Variants in PRSS23 observed in about 807,000 individuals in gnomAD.
PRSS23 encodes the protein serine protease 23, also known as protease, serine 23.
In PRSS23, 25 loss-of-function variants were observed where a neutral mutation model predicts 34.7. That is an observed-to-expected ratio of 0.72 (90% CI 0.53 to 1.01). The LOEUF is 1.01. PRSS23 is among the 50% of genes least tolerant of loss of function. The pLI is 0.00. For synonymous variants in PRSS23, 176 were observed against 186.6 expected, an observed-to-expected ratio of 0.94 and a Z score of 0.46; for missense variants, 445 against 475.6, an observed-to-expected ratio of 0.94 and a Z score of 0.60.
In PRSS23 at chr11:86,951,512, T is replaced by C. The variant is rs763395503; in HGVS notation, c.*227T>C. ...ATCCTTTTGAAGATTTGACCGAATT[T>C]TGAACAAGGCCACCAAACCTGCAGC... On this transcript the variant is annotated 3_prime_UTR_variant, in exon 3 of 3. Transcript: ENST00000533902. 110 of 1,614,070 alleles carry C rather than the reference T, an allele frequency of 6.8e-5. No individual in the cohort carries two copies. Among genetic ancestry groups the C allele is most frequent in the Non-Finnish European group, 8.6e-5 (102 of 1,180,046 alleles).
intron 2 of PRSS23, among the ~76,000 whole-genome samples, chr11:86,834,506 TTTTCCTTTCCTTTCCTTTCCTTTCC>T (rs1225362851): frequency 8.7e-6 from 1 of 115,184 alleles, no homozygotes; most frequent in African/African-American, 3.6e-5. Context: ...TTCCCTTCTA[TTTTCCTTTCCTTTCCTTTCCTTTCC>T]TTTCCTTTCC....
chr11:86,941,944 C>T (rs983737005), intron 2 of PRSS23, among the ~76,000 whole-genome samples: 53 of 152,312 alleles, frequency 3.5e-4, no homozygotes, highest in African/African-American at 1.2e-3. Flanking sequence ...TACTCCATTT[C>T]TTCTTTCCTC....
At chr11:86,811,775 C>T (rs1948180268), downstream of PRSS23, among the ~76,000 whole-genome samples, 1 of 152,032 alleles carries the variant, frequency 6.6e-6, no homozygotes, top group Non-Finnish European at 1.5e-5. Context: ...CTAACAAACC[C>T]CACAGGAGGT....
intron 2 of PRSS23, among the ~76,000 whole-genome samples, chr11:86,837,876 A>G (rs1018816834): frequency 3.9e-5 from 6 of 152,162 alleles, no homozygotes; most frequent in African/African-American, 1.4e-4. Context: ...GACACAGAAG[A>G]TGGGTGATTT....
chr11:86,845,079 ACT>A (rs1322373544), intron 2 of PRSS23, among the ~76,000 whole-genome samples: 1 of 150,832 alleles, frequency 6.6e-6, no homozygotes, highest in Non-Finnish European at 1.5e-5. Context: ...CAAGAGTGAA[ACT>A]CTGTCTCAGA....
intron 2 of PRSS23, among the ~76,000 whole-genome samples, chr11:86,824,429 C>T (rs1948282510): frequency 6.7e-6 from 1 of 148,842 alleles, no homozygotes; most frequent in Admixed American, 6.7e-5. Context: ...GGCCTTTGAA[C>T]TCTGAAATTA....
At chr11:86,835,598 G>A (rs1214628774) in intron 2 of PRSS23, among the ~76,000 whole-genome samples, 1 of 152,150 alleles carries the variant, frequency 6.6e-6, no homozygotes, top group East Asian at 1.9e-4. Context: ...TCTTACCTGG[G>A]AATCCATATT....
intron 2 of PRSS23, chr11:86,949,305 T>C (rs1949269967): frequency 6.6e-6 from 1 of 151,014 alleles, no homozygotes; most frequent in Admixed American, 6.6e-5. Context: ...GGCATAAGGC[T>C]CAAACCAAAT....
chr11:86,864,014 G>T (rs1476349413), intron 2 of PRSS23, among the ~76,000 whole-genome samples: 1 of 152,112 alleles, frequency 6.6e-6, no homozygotes, highest in East Asian at 1.9e-4. Context: ...AATAATCACG[G>T]TCATTTATTT....
At chr11:86,869,965 T>C (rs898197538) in intron 2 of PRSS23, among the ~76,000 whole-genome samples, 2 of 152,222 alleles carry the variant, frequency 1.3e-5, no homozygotes, top group African/African-American at 4.8e-5. Context: ...TTGCACAAGA[T>C]TACTTGGCTA....
At chr11:86,858,273 A>G (rs1263410073) in intron 2 of PRSS23, among the ~76,000 whole-genome samples, 1 of 150,984 alleles carries the variant, frequency 6.6e-6, no homozygotes, top group Non-Finnish European at 1.5e-5. Flanking sequence ...AATTTACACC[A>G]CCCCTGTGAT....
intron 2 of PRSS23, among the ~76,000 whole-genome samples, chr11:86,831,422 C>T (rs1460174826): frequency 4.0e-5 from 6 of 151,672 alleles, no homozygotes; most frequent in Non-Finnish European, 5.9e-5. Flanking sequence ...GATGATACTC[C>T]TAATGTCATA....
chr11:86,853,242 CTTTTTTTTTTTTT>C (rs561682096), intron 2 of PRSS23, among the ~76,000 whole-genome samples: 10 of 47,792 alleles, frequency 2.1e-4, no homozygotes, highest in African/African-American at 3.5e-4. Flanking sequence ...AAGTGCCTGC[CTTTTTTTTTTTTT>C]TTTTTTTTTT....
intron 2 of PRSS23, chr11:86,921,473 A>C (rs1215129669): frequency 7.9e-5 from 12 of 152,200 alleles, no homozygotes; most frequent in African/African-American, 2.9e-4. Context: ...GAAATTATTC[A>C]CTCAATCCAG....
intron 2 of PRSS23, among the ~76,000 whole-genome samples, chr11:86,825,079 A>C (rs1948288705): frequency 6.6e-6 from 1 of 151,968 alleles, no homozygotes; most frequent in African/African-American, 2.4e-5. Context: ...TGGTTGAACT[A>C]GTTTACAGTC....
chr11:86,919,658 C>A (rs1029499896), intron 2 of PRSS23, among the ~76,000 whole-genome samples: 9 of 152,310 alleles, frequency 5.9e-5, no homozygotes, highest in African/African-American at 2.2e-4. Context: ...TGATCTTAGT[C>A]AAATCATGTT....
intron 2 of PRSS23, among the ~76,000 whole-genome samples, chr11:86,839,952 C>T (rs1948435327): frequency 6.6e-6 from 1 of 151,482 alleles, no homozygotes; most frequent in Non-Finnish European, 1.5e-5. Flanking sequence ...CTGAAGGAAG[C>T]ACTAAACATG....
At chr11:86,902,466 A>G (rs1948917982) in intron 2 of PRSS23, among the ~76,000 whole-genome samples, 1 of 152,206 alleles carries the variant, frequency 6.6e-6, no homozygotes, top group African/African-American at 2.4e-5. Flanking sequence ...CGGCCACTTC[A>G]GGTGTACCTG....
chr11:86,823,694 G>C, intron 2 of PRSS23: 1 of 666,164 alleles, frequency 1.5e-6, no homozygotes, highest in Non-Finnish European at 2.7e-6. Flanking sequence ...GCAAAGCAAT[G>C]TCACATTGGT....
Sources: gnomAD v4.1 joint callset for allele counts (sites outside exome capture counted in the v4.1 genomes callset) on GRCh38, gnomAD v4.1.1 for gene constraint, MANE v1.5 for transcripts, NCBI Gene and HGNC (gene_info 2026-07-23, HGNC 2026-07-21) for gene names.